CASZ1: variants seen among roughly 807,000 people sequenced by gnomAD.
CASZ1 encodes the protein castor zinc finger 1.
In CASZ1, 28 loss-of-function variants were observed where a neutral mutation model predicts 135.2. That is an observed-to-expected ratio of 0.21 (90% CI 0.15 to 0.28). CASZ1 has a LOEUF of 0.28. Ranked by LOEUF, CASZ1 falls within the 10% of genes least tolerant of loss-of-function variation. CASZ1 has a pLI of 1.00. For synonymous variants in CASZ1, 1,068 were observed against 1,073.4 expected (o/e 0.99, Z 0.10); for missense variants, 2,161 against 2,453.3 (o/e 0.88, Z 2.52).
chr1:10,639,565 A>G lies in CASZ1; in HGVS notation c.4657T>C (p.Ser1553Pro), dbSNP rs1341119743. The G allele has an allele frequency of 6.2e-7, 1 of 1,611,270 alleles. No individual in the cohort carries two copies. The highest frequency in any genetic ancestry group is 8.5e-7 in the Non-Finnish European group (1 of 1,179,006). The change falls in exon 21 of 21, where the codon TCC (serine) becomes CCC (proline). Residue 1553 changes from serine to proline, a missense_variant. By Grantham distance (74) the Ser-to-Pro change is moderately conservative (BLOSUM62 -1). This residue lies in a region of CASZ1 where 240 missense variants were observed against 321.4 expected (regional missense o/e 0.75). Coordinates refer to ENST00000377022, the MANE Select transcript of CASZ1 (RefSeq NM_001079843.3). This position sits in a 1 kb window ranked among gnomAD's most constrained non-coding sequence, Gnocchi z 4.0. ...ISAAGFCQFS[S>P]SADCAVPDCK... ...TCGGGCACGGCGCAGTCGGCGCTGG[A>G]GCTGAACTGGCAGAAGCCCGCGGCG...
At chr1:10,655,853 C>A in intron 8 of CASZ1, 40 bp from the exon 9 acceptor site, 1 of 1,599,980 alleles carries the variant, frequency 6.3e-7, no homozygotes, top group African/African-American at 1.3e-5. Flanking sequence ...AGCCTGAGCT[C>A]CCCCTCCGCC....
chr1:10,784,040 T>C (rs1225911735), intron 1 of CASZ1, among the ~76,000 whole-genome samples: 1 of 151,922 alleles, frequency 6.6e-6, no homozygotes, highest in Non-Finnish European at 1.5e-5. Context: ...CCTGCCCAAT[T>C]CCACAGGACT....
Position 10,659,761 on chromosome 1 carries a change from G to A in CASZ1, c.1281C>T (p.Tyr427=), listed in dbSNP as rs146116942. 0.011 allele frequency: 18,354 copies of A among 1,614,002 alleles called. 151 individuals are homozygous for A. Among genetic ancestry groups the A allele is most frequent in the Middle Eastern group, 0.023 (140 of 6,060 alleles). ...PASLSFNTPE[Y]LKSTFSKTDS... ...CTGTTTTGGAGAAGGTTGACTTCAGGTACTCGGGAGTGTTGAAGGACAGGG... is the reference window on the plus strand; with the variant it reads ...CTGTTTTGGAGAAGGTTGACTTCAGATACTCGGGAGTGTTGAAGGACAGGG... Residue 427 remains tyrosine (Y), a synonymous_variant, in exon 6 of 21, where the codon TAC becomes TAT. Transcript: ENST00000377022.
In CASZ1 at chr1:10,725,367, G is replaced by A. The variant is rs980972343; in HGVS notation, c.-76-19823C>T. The stretch of plus-strand genomic sequence containing the variant: ...CCCTCCCGCCCTCCCTCTCCGGCAG[G>A]CTCCTCTCAAGTACTGAGCCATATG... On this transcript the variant is annotated intron_variant, in intron 2 of 20. Transcript: ENST00000377022. This position sits in a 1 kb window ranked among gnomAD's most constrained non-coding sequence, Gnocchi z 4.4. 2.6e-5 allele frequency among the ~76,000 whole-genome samples: 4 copies of A among 152,192 alleles called. No homozygotes were observed. The highest frequency in any genetic ancestry group is 9.6e-5 in the African/African-American group (4 of 41,526).
chr1:10,710,920 C>G (rs1186856092), intron 2 of CASZ1, among the ~76,000 whole-genome samples: 1 of 152,244 alleles, frequency 6.6e-6, no homozygotes, highest in Non-Finnish European at 1.5e-5. Context: ...CACCTGAGGT[C>G]AGGAGTTTGA....
intron 1 of CASZ1, among the ~76,000 whole-genome samples, chr1:10,765,128 C>A (rs145412523): frequency 2.0e-5 from 3 of 152,138 alleles, no homozygotes; most frequent in African/African-American, 7.2e-5. Flanking sequence ...CACGGAGACG[C>A]GGGATTGGGA....
rs1642674208 is a variant in CASZ1, at chr1:10,653,592, C to G, written c.2465G>C (p.Gly822Ala). ...GGCTGCTGACCCAGACGACACGGCACCCAGGAGGCTGGGGGTGCCCACAGG... is the reference window on the plus strand; with the variant it reads ...GGCTGCTGACCCAGACGACACGGCAGCCAGGAGGCTGGGGGTGCCCACAGG... Reference protein sequence around the residue: ...SLPVGTPSLLGAVSSGSAASA... With the variant: ...SLPVGTPSLLAAVSSGSAASA... The change falls in exon 11 of 21, where the codon GGT becomes GCT. Residue 822 changes from glycine (G) to alanine (A), a missense_variant. Coordinates refer to ENST00000377022, the MANE Select transcript of CASZ1 (RefSeq NM_001079843.3). 1 of 1,558,768 alleles carries G rather than the reference C, an allele frequency of 6.4e-7. No homozygotes were observed. Among genetic ancestry groups the G allele is most frequent in the Admixed American group, 1.8e-5 (1 of 55,262 alleles).
chr1:10,793,170 A>AT (rs1557575741), intron 1 of CASZ1, among the ~76,000 whole-genome samples: 2 of 149,728 alleles, frequency 1.3e-5, no homozygotes, highest in African/African-American at 4.9e-5. Flanking sequence ...TGACTTTCTT[A>AT]TTTTTTTAAA....
At chr1:10,685,689 G>C (rs1054392583) in intron 4 of CASZ1, among the ~76,000 whole-genome samples, 1 of 151,660 alleles carries the variant, frequency 6.6e-6, no homozygotes, top group Non-Finnish European at 1.5e-5. Flanking sequence ...AGCTGGCCCC[G>C]CATGGCCTGC....
chr1:10,728,625 T>A (rs887766070), intron 2 of CASZ1, among the ~76,000 whole-genome samples: 1 of 151,996 alleles, frequency 6.6e-6, no homozygotes, highest in Non-Finnish European at 1.5e-5. Context: ...TATTTCCCCC[T>A]CTTGGTCAGG....
In CASZ1 at chr1:10,648,748, C is replaced by G. The variant is rs897752058; in HGVS notation, c.3158+322G>C. ...TGCTCCAGGTCACAGCCGAGTCTCTCCAGCTGGGCTCTGTGCCCCTCTGGC... is the reference window on the plus strand; with the variant it reads ...TGCTCCAGGTCACAGCCGAGTCTCTGCAGCTGGGCTCTGTGCCCCTCTGGC... On this transcript the variant is annotated intron_variant, in intron 15 of 20. Coordinates refer to ENST00000377022, the MANE Select transcript of CASZ1 (RefSeq NM_001079843.3). 3 of 322,438 alleles carry G rather than the reference C, an allele frequency of 9.3e-6. No individual in the cohort carries two copies. The East Asian group carries it at 1.6e-4, about 17-fold the overall frequency. The allele number at this position is 322,438 out of a possible 1,614,324, so 20.0% of individuals were successfully genotyped here.
intron 1 of CASZ1, among the ~76,000 whole-genome samples, chr1:10,785,346 A>G (rs1640841572): frequency 6.7e-6 from 1 of 149,652 alleles, no homozygotes; most frequent in South Asian, 2.1e-4. Flanking sequence ...CATCCGTTTA[A>G]TTAGATAAAT....
intron 2 of CASZ1, among the ~76,000 whole-genome samples, chr1:10,722,614 C>G (rs58551746): frequency 0.053 from 8,013 of 152,328 alleles, 374 homozygotes; most frequent in African/African-American, 0.13. Context: ...GTGGGCAAGG[C>G]CCACTCACAG....
At position 10,756,438 on chromosome 1, in the gene CASZ1, C is replaced by G. The variant is rs552762855; in HGVS notation, c.-77+4263G>C. Among the ~76,000 whole-genome samples, 192 of 152,372 alleles carry G rather than the reference C, an allele frequency of 1.3e-3. No homozygotes were observed. The Middle Eastern group carries it at 0.017, about 13-fold the overall frequency. On this transcript the variant is annotated intron_variant, in intron 2 of 20. Coordinates refer to ENST00000377022, the MANE Select transcript of CASZ1 (RefSeq NM_001079843.3). The surrounding 1 kb of genome is among the most constrained non-coding windows in gnomAD (Gnocchi z 5.9). The stretch of plus-strand genomic sequence containing the variant: ...AATACGTTGCCAGCAAGGGCAAGTG[C>G]TCACGCGAGCCCGGCAGCCGGCTGT...
intron 2 of CASZ1, among the ~76,000 whole-genome samples, chr1:10,732,104 C>T (rs1639711797): frequency 6.6e-6 from 1 of 151,896 alleles, no homozygotes; most frequent in Non-Finnish European, 1.5e-5. Context: ...GCGGGAGGGT[C>T]ACCTGAAGTC....
In CASZ1 at chr1:10,699,152, G is replaced by T. The variant is rs79735866; in HGVS notation, c.-23-5240C>A. ...GAGGCCTGGCAGGGTACCAGCCTTC[G>T]GGGAGAAGAGCTGGGGATCGACATG... On this transcript the variant is annotated intron_variant, in intron 3 of 20. Transcript: ENST00000377022. The surrounding 1 kb of genome is among the most constrained non-coding windows in gnomAD (Gnocchi z 4.6). 3.9e-5 allele frequency among the ~76,000 whole-genome samples: 6 copies of T among 152,166 alleles called. No individual in the cohort carries two copies. In the East Asian group the frequency reaches 1.2e-3, roughly 29 times the overall value.
intron 13 of CASZ1, 108 bp from the exon 14 acceptor site, chr1:10,649,545 TCA>T: frequency 1.5e-6 from 2 of 1,293,612 alleles, no homozygotes; most frequent in Non-Finnish European, 2.1e-6. Context: ...CACCCAGCCC[TCA>T]GAGCCAGCAG....
intron 2 of CASZ1, among the ~76,000 whole-genome samples, chr1:10,713,693 A>G (rs529291055): frequency 6.6e-6 from 1 of 152,254 alleles, no homozygotes; most frequent in Non-Finnish European, 1.5e-5. Context: ...GCCATCTCTA[A>G]GTCCCCTGCT....
rs773910184 is a variant in CASZ1, at chr1:10,794,841, G to T, written c.-234+1723C>A. On this transcript the variant is annotated intron_variant, in intron 1 of 20. Coordinates refer to ENST00000377022, the MANE Select transcript of CASZ1 (RefSeq NM_001079843.3). The surrounding 1 kb of genome is among the most constrained non-coding windows in gnomAD (Gnocchi z 5.6). Reference sequence around the variant, plus strand: ...CTTCGCGGAGGAGCTTCCAGCGCCGGGGACAGACATTCGCCCAAACGCTCC... The same window carrying T: ...CTTCGCGGAGGAGCTTCCAGCGCCGTGGACAGACATTCGCCCAAACGCTCC... Among the ~76,000 whole-genome samples, 1 of 151,902 alleles carries T rather than the reference G, an allele frequency of 6.6e-6. No homozygotes were observed. Among genetic ancestry groups the T allele is most frequent in the African/African-American group, 2.4e-5 (1 of 41,424 alleles).
Sources: gnomAD v4.1 joint callset for allele counts (sites outside exome capture counted in the v4.1 genomes callset) on GRCh38, gnomAD v4.1.1 for gene constraint, gnomAD v4.1.1 regional missense constraint, Gnocchi (gnomAD v3.1) non-coding constraint, MANE v1.5 for transcripts, NCBI Gene and HGNC (gene_info 2026-07-23, HGNC 2026-07-21) for gene names.